MAP7: variants seen among roughly 807,000 people sequenced by gnomAD.
MAP7 encodes the protein microtubule associated protein 7.
MAP7 carries 52 observed loss-of-function variants against 94.8 expected under a neutral mutation model. The observed-to-expected ratio is 0.55, with a 90% CI of 0.44 to 0.69. The LOEUF (loss-of-function observed/expected upper bound fraction) is 0.69, where lower values mean the gene tolerates loss of function less well. MAP7 is among the 30% of genes least tolerant of loss of function. The pLI, the probability that MAP7 is intolerant of heterozygous loss-of-function variation, is 0.00. For missense variants in MAP7, 940 were observed against 964.6 expected (o/e 0.97, Z 0.34); for synonymous variants, 350 against 357.0 (o/e 0.98, Z 0.22).
chr6:136,354,836 ATAATGAT>A (rs1191916619), intron 16 of MAP7, among the ~76,000 whole-genome samples: 2 of 152,212 alleles, frequency 1.3e-5, no homozygotes, highest in Non-Finnish European at 2.9e-5. Flanking sequence ...AGGTTCTTAT[ATAATGAT>A]TAATTGCTTG....
rs543818588 is a variant in MAP7 at position 136,424,215 on chromosome 6, T to A, written c.68-2416A>T. The stretch of plus-strand genomic sequence containing the variant: ...AAATTTAAAAACCTGAAAATCCTCA[T>A]TAACTAGAAGATAGGATTGTATATA... On this transcript the variant is annotated intron_variant, in intron 1 of 17. Coordinates refer to ENST00000354570, the MANE Select transcript of MAP7 (RefSeq NM_003980.6). 2.6e-5 allele frequency among the ~76,000 whole-genome samples: 4 copies of A among 151,902 alleles called. No individual in the cohort carries two copies. The South Asian group carries it at 8.3e-4, about 32-fold the overall frequency.
intron 1 of MAP7, among the ~76,000 whole-genome samples, chr6:136,488,137 G>T (rs1208434143): frequency 6.6e-6 from 1 of 152,072 alleles, no homozygotes; most frequent in African/African-American, 2.4e-5. Context: ...TAATATTCTT[G>T]TACAAGCTTT....
chr6:136,492,621 G>A (rs910672033), intron 1 of MAP7, among the ~76,000 whole-genome samples: 3 of 152,110 alleles, frequency 2.0e-5, no homozygotes, highest in African/African-American at 7.2e-5. Flanking sequence ...TGCATCAGTA[G>A]GGTTTAACTG....
chr6:136,443,508 G>C (rs1798470543), intron 1 of MAP7, among the ~76,000 whole-genome samples: 1 of 146,262 alleles, frequency 6.8e-6, no homozygotes, highest in Non-Finnish European at 1.5e-5. Context: ...CTGGAGTGCA[G>C]TGGTGCAATC....
chr6:136,491,912 A>C (rs1445570583), intron 1 of MAP7, among the ~76,000 whole-genome samples: 1 of 152,190 alleles, frequency 6.6e-6, no homozygotes, highest in Admixed American at 6.5e-5. Flanking sequence ...ACCCAGAGCT[A>C]CTCCATAATT....
At chr6:136,526,617 C>T (rs1279824715) in intron 1 of MAP7, 5 of 985,382 alleles carry the variant, frequency 5.1e-6, no homozygotes, top group African/African-American at 3.5e-5. Flanking sequence ...AGCGTGAGGC[C>T]GCTGGGCAGC....
chr6:136,496,820 G>T (rs1367417860), intron 1 of MAP7, among the ~76,000 whole-genome samples: 1 of 150,502 alleles, frequency 6.6e-6, no homozygotes, highest in African/African-American at 2.5e-5. Flanking sequence ...TAGGAGTGGT[G>T]GCACATGCCT....
At chr6:136,465,080 C>T (rs540293429) in intron 1 of MAP7, among the ~76,000 whole-genome samples, 2 of 152,284 alleles carry the variant, frequency 1.3e-5, no homozygotes, top group South Asian at 2.1e-4. Context: ...GCAGGGCTGC[C>T]GTATGTCGAG....
Position 136,378,948 on chromosome 6 carries a change from G to T in MAP7, c.638-1080C>A, listed in dbSNP as rs2128626177. Among the ~76,000 whole-genome samples the T allele has an allele frequency of 2.6e-5, 4 of 152,200 alleles. 1 individual carries two copies. Among genetic ancestry groups the T allele is most frequent in the Middle Eastern group, 3.4e-3 (1 of 292 alleles). On this transcript the variant is annotated intron_variant, in intron 6 of 17. Transcript: ENST00000354570. ...TTGCCATGTTGCTCAGGCTGATTTTGAACTCCTGGGCTCAAGCAATCCTTC... is the reference window on the plus strand; with the variant it reads ...TTGCCATGTTGCTCAGGCTGATTTTTAACTCCTGGGCTCAAGCAATCCTTC...
chr6:136,538,968 A>G (rs1401763860), intron 1 of MAP7, among the ~76,000 whole-genome samples: 1 of 152,126 alleles, frequency 6.6e-6, no homozygotes, highest in African/African-American at 2.4e-5. Context: ...TCCCAGTGCC[A>G]GCCTATGACA....
At chr6:136,514,666 T>C (rs1235337376) in intron 1 of MAP7, among the ~76,000 whole-genome samples, 1 of 149,754 alleles carries the variant, frequency 6.7e-6, no homozygotes, top group African/African-American at 2.5e-5. Context: ...ACATTGTCAA[T>C]GAGCAGTAAT....
chr6:136,401,629 CG>C (rs975586532), intron 3 of MAP7, among the ~76,000 whole-genome samples: 21 of 151,838 alleles, frequency 1.4e-4, no homozygotes, highest in African/African-American at 4.6e-4. Context: ...CTGGGCCTGT[CG>C]TGGGGTGGGA....
chr6:136,351,514 A>C (rs1789209350), intron 16 of MAP7, among the ~76,000 whole-genome samples: 1 of 152,230 alleles, frequency 6.6e-6, no homozygotes, highest in Non-Finnish European at 1.5e-5. Context: ...TGTCCAGATG[A>C]GAAAACTAAG....
chr6:136,381,041 G>A (rs1341554728), intron 6 of MAP7, among the ~76,000 whole-genome samples: 4 of 152,198 alleles, frequency 2.6e-5, no homozygotes, highest in Non-Finnish European at 4.4e-5. Flanking sequence ...GTATATACCT[G>A]CTTGACCCAT....
intron 2 of MAP7, among the ~76,000 whole-genome samples, chr6:136,415,258 CTT>C (rs568588468): frequency 2.2e-3 from 332 of 152,280 alleles, no homozygotes; most frequent in Non-Finnish European, 4.1e-3. Flanking sequence ...CTCATAAAAA[CTT>C]TTATTTAATT....
intron 1 of MAP7, among the ~76,000 whole-genome samples, chr6:136,457,295 T>C (rs931350008): frequency 2.0e-5 from 3 of 150,824 alleles, no homozygotes; most frequent in African/African-American, 7.3e-5. Flanking sequence ...AGTAAAGAGA[T>C]TGAATCAGGA....
chr6:136,406,052 T>C (rs1411104344), intron 3 of MAP7, among the ~76,000 whole-genome samples: 1 of 152,184 alleles, frequency 6.6e-6, no homozygotes, highest in Non-Finnish European at 1.5e-5. Context: ...TCACACAAAA[T>C]AGCTTAAAAG....
intron 16 of MAP7, among the ~76,000 whole-genome samples, chr6:136,352,483 G>A (rs1025515253): frequency 1.3e-5 from 2 of 152,104 alleles, no homozygotes; most frequent in African/African-American, 4.8e-5. Context: ...ACCACACCAG[G>A]CCCCTAAATT....
chr6:136,509,041 C>T (rs912755640), intron 1 of MAP7, among the ~76,000 whole-genome samples: 1 of 152,180 alleles, frequency 6.6e-6, no homozygotes, highest in Admixed American at 6.5e-5. Flanking sequence ...AAGATATAGA[C>T]CAGTAATTAT....
Sources: gnomAD v4.1 joint callset for allele counts (sites outside exome capture counted in the v4.1 genomes callset) on GRCh38, gnomAD v4.1.1 for gene constraint, MANE v1.5 for transcripts, NCBI Gene and HGNC (gene_info 2026-07-23, HGNC 2026-07-21) for gene names.